Variants in GRIP1 observed in about 807,000 individuals in gnomAD.
GRIP1 encodes the protein glutamate receptor-interacting protein 1.
In GRIP1, 45 loss-of-function variants were observed where a neutral mutation model predicts 129.9. The observed-to-expected ratio is 0.35, with a 90% CI of 0.27 to 0.44. The LOEUF (loss-of-function observed/expected upper bound fraction) is 0.44, where lower values mean the gene tolerates loss of function less well. GRIP1 is among the 20% of genes least tolerant of loss of function. The pLI, the probability that GRIP1 is intolerant of heterozygous loss-of-function variation, is 1.00. For missense variants in GRIP1, 1,196 were observed against 1,396.8 expected (o/e 0.86, Z 2.29); for synonymous variants, 530 against 520.8 (o/e 1.02, Z -0.24).
intron 11 of GRIP1, among the ~76,000 whole-genome samples, chr12:66,445,815 C>T (rs575869322): frequency 6.6e-6 from 1 of 152,152 alleles, no homozygotes; most frequent in Non-Finnish European, 1.5e-5. Flanking sequence ...GGCTCTATCA[C>T]TGAGCACCAG....
chr12:67,008,921 AG>A (rs1209903811), intron 1 of GRIP1, among the ~76,000 whole-genome samples: 1 of 53,168 alleles, frequency 1.9e-5, no homozygotes, highest in African/African-American at 1.0e-4. Context: ...TCCTTTCTCC[AG>A]GAAAAAAAAA....
In GRIP1 at chr12:66,739,647, T is replaced by C. The variant is rs145984824; in HGVS notation, c.-420+64406A>G. Among the ~76,000 whole-genome samples the C allele has an allele frequency of 1.9e-4, 29 of 151,986 alleles. 1 individual carries two copies. Among genetic ancestry groups the C allele is most frequent in the East Asian group, 1.2e-3 (6 of 5,152 alleles). On this transcript the variant is annotated intron_variant, in intron 1 of 4. Coordinates refer to the GRIP1 transcript ENST00000538373. ...GCTAATGCATGCTGGGCATAACACC[T>C]AGGTGATGGGTTGATGGGTGCAGCA... is the stretch of plus-strand genomic sequence containing the variant.
intron 1 of GRIP1, among the ~76,000 whole-genome samples, chr12:66,886,890 T>C (rs1310563257): frequency 6.6e-6 from 1 of 152,212 alleles, no homozygotes; most frequent in Non-Finnish European, 1.5e-5. Context: ...CCCTATTTTA[T>C]AGCATATAAA....
At chr12:66,475,859 G>A (rs2059590949) in intron 7 of GRIP1, among the ~76,000 whole-genome samples, 1 of 152,100 alleles carries the variant, frequency 6.6e-6, no homozygotes, top group Non-Finnish European at 1.5e-5. Flanking sequence ...AACACTAAAT[G>A]CCCACAAGAG....
At chr12:66,389,205 G>A (rs904815041) in intron 19 of GRIP1, among the ~76,000 whole-genome samples, 9 of 152,130 alleles carry the variant, frequency 5.9e-5, no homozygotes, top group Non-Finnish European at 8.8e-5. Flanking sequence ...AAATAAAAGT[G>A]TGGTTCTATG....
chr12:67,004,862 A>T (rs2135696679), intron 1 of GRIP1, among the ~76,000 whole-genome samples: 1 of 152,328 alleles, frequency 6.6e-6, no homozygotes, highest in Middle Eastern at 3.4e-3. Flanking sequence ...TATCTAAGAT[A>T]AGGCACAATC....
At chr12:67,037,746 T>G (rs1397303495) in intron 1 of GRIP1, among the ~76,000 whole-genome samples, 1 of 152,216 alleles carries the variant, frequency 6.6e-6, no homozygotes, top group Non-Finnish European at 1.5e-5. Flanking sequence ...AAAAATTTAT[T>G]CAATCATTTG....
intron 1 of GRIP1, among the ~76,000 whole-genome samples, chr12:66,799,183 G>GAA (rs140086874): frequency 6.6e-6 from 1 of 151,860 alleles, no homozygotes; most frequent in Non-Finnish European, 1.5e-5. Flanking sequence ...ATTCCATATA[G>GAA]AAAAAAATAT....
chr12:66,629,027 C>A (rs1242030291), intron 1 of GRIP1, among the ~76,000 whole-genome samples: 1 of 152,198 alleles, frequency 6.6e-6, no homozygotes, highest in Non-Finnish European at 1.5e-5. Flanking sequence ...AATGTTAAAT[C>A]TATTCTCTGA....
chr12:66,410,211 C>A (rs1172644791), intron 15 of GRIP1, among the ~76,000 whole-genome samples: 1 of 121,360 alleles, frequency 8.2e-6, no homozygotes, highest in Non-Finnish European at 1.7e-5. Context: ...GATCCCGCCA[C>A]TGCACTCCCG....
At position 66,353,454 on chromosome 12, in the gene GRIP1, TCTC is replaced by T. The variant is rs2054331940; in HGVS notation, c.3119_3121del (p.Gly1040del). The T allele has an allele frequency of 3.7e-6, 6 of 1,612,934 alleles. No homozygotes were observed. The highest frequency in any genetic ancestry group is 5.1e-6 in the Non-Finnish European group (6 of 1,178,944). On this transcript the variant is annotated inframe_deletion, in exon 24 of 25. Coordinates refer to ENST00000359742, the MANE Select transcript of GRIP1 (RefSeq NM_001366722.1). The stretch of plus-strand genomic sequence containing the variant: ...GTCATAGGGCTTTAAGCCACCAAGA[TCTC>T]CTGGCCCAGCTGGGCGAATATTTTT...
chr12:66,518,496 C>A (rs997211530), intron 5 of GRIP1, among the ~76,000 whole-genome samples: 1 of 152,104 alleles, frequency 6.6e-6, no homozygotes, highest in African/African-American at 2.4e-5. Flanking sequence ...AATTTTCAGA[C>A]TGTGTCAAGC....
chr12:67,069,212 G>A (rs2043692151), upstream of GRIP1: 3 of 647,208 alleles, frequency 4.6e-6, no homozygotes, highest in Middle Eastern at 7.7e-4. Context: ...AGCCGCGCCG[G>A]GGCTGTTCAG....
At chr12:67,028,624 T>A (rs573398338) in intron 1 of GRIP1, among the ~76,000 whole-genome samples, 20 of 152,324 alleles carry the variant, frequency 1.3e-4, no homozygotes, top group Non-Finnish European at 1.8e-4. Context: ...CTCTTCAGTA[T>A]CTTTTACTAA....
intron 1 of GRIP1, among the ~76,000 whole-genome samples, chr12:66,818,561 A>T (rs1046628999): frequency 6.6e-6 from 1 of 152,220 alleles, no homozygotes; most frequent in African/African-American, 2.4e-5. Context: ...CAAACATTTC[A>T]TTAAGTGTTT....
At chr12:66,492,786 G>C (rs887891572) in intron 7 of GRIP1, among the ~76,000 whole-genome samples, 3 of 152,094 alleles carry the variant, frequency 2.0e-5, no homozygotes, top group African/African-American at 7.2e-5. Context: ...AACGCGAGTG[G>C]ATCACTTGAG....
chr12:66,743,881 G>A (rs562024498), intron 1 of GRIP1, among the ~76,000 whole-genome samples: 6 of 152,168 alleles, frequency 3.9e-5, no homozygotes, highest in African/African-American at 1.4e-4. Flanking sequence ...ATATTCAAGT[G>A]AAAGGAGGCA....
chr12:66,453,995 C>T (rs1396801185), intron 11 of GRIP1, among the ~76,000 whole-genome samples: 2 of 152,228 alleles, frequency 1.3e-5, no homozygotes, highest in Non-Finnish European at 2.9e-5. Flanking sequence ...CTCAATCTTC[C>T]ACTTTCCTAA....
intron 2 of GRIP1, among the ~76,000 whole-genome samples, chr12:66,555,536 C>T (rs1445225462): frequency 6.6e-6 from 1 of 152,076 alleles, no homozygotes; most frequent in Non-Finnish European, 1.5e-5. Flanking sequence ...ACATCAAGAC[C>T]ATCTAAAAAC....
Sources: gnomAD v4.1 joint callset for allele counts (sites outside exome capture counted in the v4.1 genomes callset) on GRCh38, gnomAD v4.1.1 for gene constraint, MANE v1.5 for transcripts, NCBI Gene and HGNC (gene_info 2026-07-23, HGNC 2026-07-21) for gene names.